LEKR1: variants seen among roughly 807,000 people sequenced by gnomAD.
LEKR1 encodes the protein leucine, glutamate and lysine rich 1.
LEKR1 carries 59 observed loss-of-function variants against 72.4 expected under a neutral mutation model. The ratio of observed to expected loss-of-function variants is 0.82; its 90% CI spans 0.66 to 1.01. LEKR1 has a LOEUF of 1.01. Among genes scored for constraint, LEKR1 ranks in the 50% least tolerant of loss-of-function variants. The probability of loss-of-function intolerance (pLI) is 0.00; values close to 1 mark genes in which losing one functional copy is unlikely to be tolerated. For synonymous variants in LEKR1, 257 were observed against 263.2 expected (o/e 0.98, Z 0.23); for missense variants, 728 against 759.2 (o/e 0.96, Z 0.48).
chr3:157,028,254 T>C lies in LEKR1; in HGVS notation c.1520T>C (p.Phe507Ser), dbSNP rs763184299. The C allele has an allele frequency of 3.7e-6, 6 of 1,613,546 alleles. No individual in the cohort carries two copies. In the African/African-American group the frequency reaches 8.0e-5, roughly 22 times the overall value. Residue 507 changes from phenylalanine to serine, a missense_variant, in exon 12 of 13, where the codon TTT (phenylalanine) becomes TCT (serine). Transcript: ENST00000356539. ...IENLKNLVAEFESRLKKEIDS... is the reference protein window; with the variant it reads ...IENLKNLVAESESRLKKEIDS... ...AATCTTAAAAATTTGGTTGCAGAAT[T>C]TGAATCTCGCTTGAAGAAGGAAATT...
At chr3:156,874,435 G>A (rs191324234) in intron 3 of LEKR1, among the ~76,000 whole-genome samples, 11 of 151,998 alleles carry the variant, frequency 7.2e-5, no homozygotes, top group Non-Finnish European at 1.5e-4. Flanking sequence ...ATTTGGGGGA[G>A]GCTTTTTAAT....
intron 3 of LEKR1, among the ~76,000 whole-genome samples, chr3:156,877,944 G>A (rs368131489): frequency 5.7e-4 from 87 of 151,810 alleles, no homozygotes; most frequent in African/African-American, 1.9e-3. Flanking sequence ...CACCACGCCC[G>A]GCTAATTTTT....
At chr3:156,920,162 C>G (rs929650528) in intron 3 of LEKR1, among the ~76,000 whole-genome samples, 1 of 152,056 alleles carries the variant, frequency 6.6e-6, no homozygotes, top group Non-Finnish European at 1.5e-5. Context: ...TATAAATTAC[C>G]TAGCCTCAGG....
chr3:156,851,533 T>C (rs1254567000), intron 2 of LEKR1, among the ~76,000 whole-genome samples: 1 of 152,214 alleles, frequency 6.6e-6, no homozygotes, highest in Non-Finnish European at 1.5e-5. Context: ...TCTTTATGAT[T>C]ACTTTTATAA....
chr3:156,931,874 T>C (rs951070151), intron 5 of LEKR1, among the ~76,000 whole-genome samples: 1 of 152,186 alleles, frequency 6.6e-6, no homozygotes, highest in Non-Finnish European at 1.5e-5. Flanking sequence ...TCTTTGATGA[T>C]AGAAATTCTT....
chr3:157,037,542 G>C (rs1396746074), intron 12 of LEKR1, among the ~76,000 whole-genome samples: 2 of 152,084 alleles, frequency 1.3e-5, no homozygotes, highest in Non-Finnish European at 2.9e-5. Flanking sequence ...AGACAAAGCA[G>C]ATTCTAGCTT....
At chr3:156,913,086 A>G (rs555659034) in intron 3 of LEKR1, among the ~76,000 whole-genome samples, 1 of 152,278 alleles carries the variant, frequency 6.6e-6, no homozygotes, top group South Asian at 2.1e-4. Context: ...TTGACTTTGC[A>G]AGTGGAAGAG....
intron 3 of LEKR1, among the ~76,000 whole-genome samples, chr3:156,860,115 G>A (rs1450048878): frequency 6.6e-6 from 1 of 151,924 alleles, no homozygotes; most frequent in Non-Finnish European, 1.5e-5. Flanking sequence ...TTATGTTCGG[G>A]GTGTTTCAGT....
intron 3 of LEKR1, among the ~76,000 whole-genome samples, chr3:156,894,339 A>G (rs1306654849): frequency 6.6e-6 from 1 of 152,236 alleles, no homozygotes; most frequent in African/African-American, 2.4e-5. Context: ...TAAAAAATAA[A>G]GCATTGCTCT....
At chr3:156,978,040 C>T (rs1201275317) in intron 6 of LEKR1, among the ~76,000 whole-genome samples, 1 of 152,038 alleles carries the variant, frequency 6.6e-6, no homozygotes, top group Non-Finnish European at 1.5e-5. Flanking sequence ...AAAATGAGAA[C>T]TTTTTTTAGA....
At chr3:156,926,945 C>T (rs1027534650) in intron 4 of LEKR1, among the ~76,000 whole-genome samples, 11 of 151,758 alleles carry the variant, frequency 7.2e-5, no homozygotes, top group Non-Finnish European at 1.6e-4. Context: ...TTACTTTGAG[C>T]TGTTGGATTT....
intron 6 of LEKR1, among the ~76,000 whole-genome samples, chr3:156,972,124 A>T (rs1031495465): frequency 2.0e-5 from 3 of 152,210 alleles, no homozygotes; most frequent in Non-Finnish European, 4.4e-5. Context: ...GGATTAAGAA[A>T]ATATGGCACA....
At chr3:156,950,074 A>G (rs1430497046) in intron 6 of LEKR1, among the ~76,000 whole-genome samples, 1 of 151,332 alleles carries the variant, frequency 6.6e-6, no homozygotes, top group Admixed American at 6.6e-5. Flanking sequence ...GATTTTGTTG[A>G]GTCAATCTTA....
Position 156,991,535 on chromosome 3 carries a change from G to A in LEKR1, c.828-1118G>A, listed in dbSNP as rs115031290. 4.0e-3 allele frequency among the ~76,000 whole-genome samples: 608 copies of A among 152,078 alleles called. 4 individuals carry two copies. Among genetic ancestry groups the A allele is most frequent in the Middle Eastern group, 0.01 (3 of 294 alleles). ...AGATATTTTCAGATTATGACTTAAC[G>A]AGTTAATGAATAGTCTGAATACATT... On this transcript the variant is annotated intron_variant, in intron 7 of 12. Coordinates refer to ENST00000356539, the MANE Select transcript of LEKR1 (RefSeq NM_001004316.3).
In LEKR1 at chr3:156,852,880, A is replaced by T. The variant is rs1338115895; in HGVS notation, c.161A>T (p.Tyr54Phe). 1 of 1,534,910 alleles carries T rather than the reference A, an allele frequency of 6.5e-7. No individual in the cohort carries two copies. Among genetic ancestry groups the T allele is most frequent in the Admixed American group, 2.0e-5 (1 of 50,962 alleles). ...VKAMEKEMKF[Y>F]QGSVDREKRL... is the part of the protein sequence containing the mutation. Reference sequence around the variant, plus strand: ...GCAATGGAAAAAGAGATGAAATTTTATCAAGGAAGTGTAGATCGTGAAAAG... The same window carrying T: ...GCAATGGAAAAAGAGATGAAATTTTTTCAAGGAAGTGTAGATCGTGAAAAG... Residue 54 changes from tyrosine to phenylalanine, a missense_variant, in exon 3 of 13, where the codon TAT becomes TTT. Coordinates refer to ENST00000356539, the MANE Select transcript of LEKR1 (RefSeq NM_001004316.3).
rs374399035 is a variant in LEKR1, at chr3:156,993,282, A to G, written c.1109+5A>G. ...TTTAACACTGAAAAATGAAAGGTGC[A>G]GTAAACAATAATTTCTTACAAAAAC... On this transcript the variant is annotated splice_donor_5th_base_variant and intron_variant, in intron 9 of 12. Transcript: ENST00000356539. 17 of 1,557,580 alleles carry G rather than the reference A, an allele frequency of 1.1e-5. No homozygotes were observed. The highest frequency in any genetic ancestry group is 1.5e-5 in the Non-Finnish European group (17 of 1,153,124).
In LEKR1 at chr3:156,927,474, A is replaced by G. The variant is rs1489885750; in HGVS notation, c.429A>G (p.Ser143=). The G allele has an allele frequency of 8.5e-7, 1 of 1,180,372 alleles. No homozygotes were observed. Among genetic ancestry groups the G allele is most frequent in the Non-Finnish European group, 1.1e-6 (1 of 928,946 alleles). The allele number at this position is 1,180,372 out of a possible 1,614,324, so 73.1% of individuals were successfully genotyped here. ...AATATTTCTGGAATAAGACTCTTTC[A>G]TTACTTACTTTTACTAAAAGGGAAC... ...EYKYFWNKTL[S]LLTFTKRELT... The change falls in exon 5 of 13, where the codon TCA becomes TCG. Residue 143 remains serine, a synonymous_variant. Coordinates refer to ENST00000356539, the MANE Select transcript of LEKR1 (RefSeq NM_001004316.3).
At chr3:156,841,944 C>T (rs1713961406) in intron 2 of LEKR1, among the ~76,000 whole-genome samples, 1 of 152,142 alleles carries the variant, frequency 6.6e-6, no homozygotes, top group Non-Finnish European at 1.5e-5. Flanking sequence ...TGAGCATTAC[C>T]GTCTGAGCTC....
At chr3:156,846,415 G>C (rs1477085736) in intron 2 of LEKR1, among the ~76,000 whole-genome samples, 1 of 151,576 alleles carries the variant, frequency 6.6e-6, no homozygotes, top group African/African-American at 2.4e-5. Context: ...GAAAAACACT[G>C]AGTCTTTTAC....
Sources: allele counts gnomAD v4.1 joint callset (sites outside exome capture counted in the v4.1 genomes callset), GRCh38; gene constraint gnomAD v4.1.1; transcripts MANE v1.5; gene names NCBI Gene and HGNC (gene_info 2026-07-23, HGNC 2026-07-21).